NIN: variants seen among roughly 807,000 people sequenced by gnomAD.
NIN encodes the protein ninein, also known as glycogen synthase kinase 3 beta-interacting protein.
A neutral mutation model predicts 257.6 loss-of-function variants in NIN; 137 were observed. The ratio of observed to expected loss-of-function variants is 0.53; its 90% CI spans 0.46 to 0.61. The LOEUF is 0.61. Ranked by LOEUF, NIN falls within the 20% of genes least tolerant of loss-of-function variation. The pLI is 0.00. For missense variants in NIN, 2,439 were observed against 2,501.2 expected (o/e 0.98, Z 0.53); for synonymous variants, 918 against 919.8 (o/e 1.00, Z 0.04).
chr14:50,830,110 T>G (rs1206445771), intron 2 of NIN, among the ~76,000 whole-genome samples: 1 of 152,224 alleles, frequency 6.6e-6, no homozygotes, highest in Non-Finnish European at 1.5e-5. Context: ...GATTTCCCCA[T>G]GCAGTTTCCT....
chr14:50,809,820 A>C (rs1030360258), intron 3 of NIN, among the ~76,000 whole-genome samples: 2 of 152,178 alleles, frequency 1.3e-5, no homozygotes, highest in Non-Finnish European at 2.9e-5. Context: ...CAAGCTTTTG[A>C]GACTGTATAA....
At chr14:50,733,258 A>G (rs1300624642) in intron 28 of NIN, among the ~76,000 whole-genome samples, 1 of 151,946 alleles carries the variant, frequency 6.6e-6, no homozygotes, top group Admixed American at 6.6e-5. Context: ...ACGCCCAGCT[A>G]ATTTTTGTAT....
intron 7 of NIN, among the ~76,000 whole-genome samples, chr14:50,775,839 T>G (rs1279457307): frequency 6.6e-6 from 1 of 152,120 alleles, no homozygotes; most frequent in Non-Finnish European, 1.5e-5. Context: ...AAATTTAATT[T>G]TATGACTTAA....
chr14:50,808,158 C>A (rs569104351), intron 3 of NIN, among the ~76,000 whole-genome samples: 1 of 152,150 alleles, frequency 6.6e-6, no homozygotes, highest in African/African-American at 2.4e-5. Flanking sequence ...TGCTGAAGAT[C>A]CAGGGAGGCA....
Position 50,830,637 on chromosome 14 carries a change from G to T in NIN, c.-75-120C>A, listed in dbSNP as rs2045662674. 1.8e-5 allele frequency: 3 copies of T among 167,026 alleles called. No individual in the cohort carries two copies. In the South Asian group the frequency reaches 6.2e-4, roughly 35 times the overall value. The allele number at this position is 167,026 out of a possible 1,614,324, so 10.3% of individuals were successfully genotyped here. A position where few individuals can be genotyped will look rare whatever the true frequency, so the allele number is the denominator to read the frequency against. ...GACGCGAATGGGGACCCGCGTGAGC[G>T]TCATTTCCATATGTAAGGGGCCAGC... is the stretch of plus-strand genomic sequence containing the variant. On this transcript the variant is annotated intron_variant, in intron 1 of 30. Transcript: ENST00000530997.
chr14:50,788,683 T>C (rs1008888302), intron 5 of NIN, among the ~76,000 whole-genome samples: 7 of 152,362 alleles, frequency 4.6e-5, no homozygotes. Flanking sequence ...ATTTTATCTT[T>C]TCAGATGACT....
At position 50,756,638 on chromosome 14, in the gene NIN, C is replaced by G; in HGVS notation, c.4392G>C (p.Leu1464=). The change falls in exon 18 of 31, where the codon CTG becomes CTC. Residue 1464 remains leucine (L), a synonymous_variant. Transcript: ENST00000530997. ...LELEKTKLQE[L]TRKLKERVTI... ...TGACTCTCTCCTTCAACTTCCTAGTCAGCTCCTGTAACTTTGTTTTCTCCA... is the reference window on the plus strand; with the variant it reads ...TGACTCTCTCCTTCAACTTCCTAGTGAGCTCCTGTAACTTTGTTTTCTCCA... 1 of 1,557,172 alleles carries G rather than the reference C, an allele frequency of 6.4e-7. No individual in the cohort carries two copies. Among genetic ancestry groups the G allele is most frequent in the Non-Finnish European group, 8.7e-7 (1 of 1,149,360 alleles).
chr14:50,785,357 C>A (rs2141957580), intron 5 of NIN, among the ~76,000 whole-genome samples: 1 of 152,382 alleles, frequency 6.6e-6, no homozygotes, highest in East Asian at 1.9e-4. Context: ...GACCTTTGCG[C>A]CCCGCAGAAT....
At chr14:50,779,808 G>C (rs919115673) in intron 5 of NIN, among the ~76,000 whole-genome samples, 4 of 152,074 alleles carry the variant, frequency 2.6e-5, no homozygotes, top group African/African-American at 9.7e-5. Context: ...ATCTGCTGAA[G>C]CAAGGAGGCA....
intron 22 of NIN, among the ~76,000 whole-genome samples, chr14:50,745,857 G>A (rs1377793812): frequency 1.3e-5 from 2 of 152,106 alleles, no homozygotes; most frequent in East Asian, 1.9e-4. Flanking sequence ...TATGAATCAC[G>A]ATATCATACA....
intron 17 of NIN, 126 bp from the exon 18 acceptor site, chr14:50,758,756 T>C: frequency 1.3e-6 from 1 of 795,250 alleles, no homozygotes; most frequent in Non-Finnish European, 1.9e-6. Flanking sequence ...AAAATGCTCT[T>C]AACTTACTCC....
In NIN at chr14:50,758,079, A is replaced by G. The variant is rs904322836; in HGVS notation, c.2951T>C (p.Met984Thr). The G allele has an allele frequency of 2.5e-6, 4 of 1,614,168 alleles. No individual in the cohort carries two copies. The highest frequency in any genetic ancestry group is 2.2e-5 in the East Asian group (1 of 44,894). ...GTTCTCCATGGCTAGAAGCTTGGAC[A>G]TCATTTCCTGCCTTTCCTGGTCATG... is the stretch of plus-strand genomic sequence containing the variant. Reference protein sequence around the residue: ...MEHDQERQEMMSKLLAMENIH... With the variant: ...MEHDQERQEMTSKLLAMENIH... Residue 984 changes from methionine to threonine, a missense_variant, in exon 18 of 31, where the codon ATG becomes ACG. Physicochemically the swap from Met to Thr is moderately conservative, Grantham distance 81 (BLOSUM62 -1). This residue lies in a region of NIN where 2,043 missense variants were observed against 2,050.2 expected (regional missense o/e 1.00). Coordinates refer to ENST00000530997, the MANE Select transcript of NIN (RefSeq NM_020921.4).
intron 2 of NIN, chr14:50,823,539 C>T (rs2045331664): frequency 8.6e-6 from 2 of 232,648 alleles, no homozygotes; most frequent in Admixed American, 5.5e-5. Context: ...TGTTTGCTTT[C>T]TTTCCATAGA....
intron 8 of NIN, 138 bp from the exon 9 acceptor site, chr14:50,772,606 C>A (rs2042780272): frequency 2.7e-6 from 2 of 742,150 alleles, no homozygotes; most frequent in Non-Finnish European, 4.5e-6. Flanking sequence ...TGCAGCCTCT[C>A]TGATCTCTGT....
intron 14 of NIN, among the ~76,000 whole-genome samples, chr14:50,765,841 A>AT (rs1354361634): frequency 1.6e-5 from 1 of 63,722 alleles, no homozygotes; most frequent in African/African-American, 3.9e-5. Flanking sequence ...GCTAACATTT[A>AT]TGTTTTTTTT....
intron 2 of NIN, among the ~76,000 whole-genome samples, chr14:50,826,651 A>G (rs918629117): frequency 5.9e-5 from 9 of 152,202 alleles, no homozygotes; most frequent in African/African-American, 1.7e-4. Context: ...GCTTGTAACA[A>G]TGACACCCCA....
intron 20 of NIN, among the ~76,000 whole-genome samples, chr14:50,753,525 T>C (rs1241508680): frequency 2.5e-5 from 2 of 80,274 alleles, no homozygotes; most frequent in African/African-American, 6.8e-5. Flanking sequence ...CCCACGTTGA[T>C]AGACATAAAG....
At chr14:50,825,097 TA>T (rs2045398975) in intron 2 of NIN, among the ~76,000 whole-genome samples, 1 of 152,180 alleles carries the variant, frequency 6.6e-6, no homozygotes, top group Non-Finnish European at 1.5e-5. Context: ...TTCTGAGAGT[TA>T]AATGTGGCAA....
At chr14:50,754,658 T>C (rs2041944449) in intron 19 of NIN, 26 bp from the exon 20 acceptor site, 2 of 1,597,676 alleles carry the variant, frequency 1.3e-6, no homozygotes, top group East Asian at 4.5e-5. Context: ...AAAATAAAAT[T>C]TAATGGTTAG....
Sources: gnomAD v4.1 joint callset for allele counts (sites outside exome capture counted in the v4.1 genomes callset) on GRCh38, gnomAD v4.1.1 for gene constraint, gnomAD v4.1.1 regional missense constraint, MANE v1.5 for transcripts, NCBI Gene and HGNC (gene_info 2026-07-23, HGNC 2026-07-21) for gene names.